The following SHISAL1 variants were observed in gnomAD, a reference collection of about 807,000 sequenced individuals.
SHISAL1 encodes the protein protein shisa-like-1.
SHISAL1 carries 9 observed loss-of-function variants against 22.6 expected under a neutral mutation model. The observed-to-expected ratio is 0.40, with a 90% CI of 0.24 to 0.70. The LOEUF is 0.70. Among genes scored for constraint, SHISAL1 ranks in the 30% least tolerant of loss-of-function variants. The pLI is 0.39. For missense variants in SHISAL1, 246 were observed against 270.6 expected (o/e 0.91, Z 0.64); for synonymous variants, 119 against 115.4 (o/e 1.03, Z -0.20).
the SHISAL1 span, among the ~76,000 whole-genome samples, chr22:44,319,043 C>T: frequency 1.3e-5 from 2 of 152,264 alleles, no homozygotes; most frequent in African/African-American, 4.8e-5. Context: ...ATGGCTTCGC[C>T]TCTCATTGTC....
chr22:44,278,631 C>T (rs1462041444), intron 4 of SHISAL1, among the ~76,000 whole-genome samples: 1 of 152,148 alleles, frequency 6.6e-6, no homozygotes, highest in Admixed American at 6.5e-5. Context: ...TCTTAATGCC[C>T]CCCTGAACCT....
chr22:44,321,871 C>T, the SHISAL1 span, among the ~76,000 whole-genome samples: 4,139 of 152,190 alleles, frequency 0.027, 96 homozygotes, highest in East Asian at 0.13. Context: ...GCCGGCCCTT[C>T]GGAGCACTCT....
At chr22:44,265,583 C>A (rs2079953335) in intron 4 of SHISAL1, among the ~76,000 whole-genome samples, 1 of 152,168 alleles carries the variant, frequency 6.6e-6, no homozygotes, top group African/African-American at 2.4e-5. Flanking sequence ...CACACCCTGA[C>A]TCACACCTTT....
intron 3 of SHISAL1, among the ~76,000 whole-genome samples, chr22:44,286,554 C>G (rs1236036894): frequency 6.6e-6 from 1 of 152,184 alleles, no homozygotes. Context: ...CTGCCCCCTT[C>G]CTCCCCTGCC....
the SHISAL1 span, among the ~76,000 whole-genome samples, chr22:44,326,315 C>T: frequency 3.9e-5 from 6 of 152,258 alleles, no homozygotes; most frequent in South Asian, 8.3e-4. Flanking sequence ...CAGGCGACAA[C>T]GAGGAGCTTC....
intron 1 of SHISAL1, among the ~76,000 whole-genome samples, chr22:44,305,417 C>T (rs1197664380): frequency 2.6e-5 from 4 of 152,334 alleles, no homozygotes; most frequent in East Asian, 3.9e-4. Flanking sequence ...CCTCAGCCCC[C>T]GATCTGCCTT....
At chr22:44,250,987 G>C (rs1234397882) in intron 4 of SHISAL1, among the ~76,000 whole-genome samples, 1 of 152,204 alleles carries the variant, frequency 6.6e-6, no homozygotes, top group Non-Finnish European at 1.5e-5. Flanking sequence ...GTGTACAGGG[G>C]CTAAGGGTGA....
At chr22:44,290,162 C>T (rs2055343036) in intron 3 of SHISAL1, among the ~76,000 whole-genome samples, 1 of 152,188 alleles carries the variant, frequency 6.6e-6, no homozygotes, top group Non-Finnish European at 1.5e-5. Flanking sequence ...TTCCTGAGGC[C>T]AGCAGGCCAG....
chr22:44,249,655 C>T lies in SHISAL1; in HGVS notation c.*30G>A, dbSNP rs779142052. 22 of 779,774 alleles carry T rather than the reference C, an allele frequency of 2.8e-5. No homozygotes were observed. Among genetic ancestry groups the T allele is most frequent in the Middle Eastern group, 2.7e-4 (1 of 3,690 alleles). 48.3% of individuals were successfully genotyped at this position (779,774 alleles called of 1,614,324 possible). ...GCACCGGGTGCTTCAGATCTCATCT[C>T]CCCCATCCTGAGGCACAGCAAAAGC... On this transcript the variant is annotated 3_prime_UTR_variant, in exon 5 of 5. Transcript: ENST00000381176.
intron 4 of SHISAL1, among the ~76,000 whole-genome samples, chr22:44,269,863 C>T (rs1466669257): frequency 6.6e-6 from 1 of 152,182 alleles, no homozygotes; most frequent in Non-Finnish European, 1.5e-5. Flanking sequence ...TAACGATGCA[C>T]CACCCTGTGC....
At chr22:44,313,690 G>C (rs2055537821), upstream of SHISAL1, among the ~76,000 whole-genome samples, 1 of 152,172 alleles carries the variant, frequency 6.6e-6, no homozygotes, top group African/African-American at 2.4e-5. Context: ...CCCAGCCCAT[G>C]GCCGTCTCCC....
At position 44,268,769 on chromosome 22, in the gene SHISAL1, G is replaced by A. The variant is rs370579925; in HGVS notation, c.599+16659C>T. ...GGGCTGGGGTGGGGAAACCTGTGAG[G>A]TGAATGGGTGTGGGTAAGCACCTGG... On this transcript the variant is annotated intron_variant, in intron 4 of 4. Coordinates refer to ENST00000381176, the MANE Select transcript of SHISAL1 (RefSeq NM_001099294.2). Among the ~76,000 whole-genome samples, 72 of 152,282 alleles carry A rather than the reference G, an allele frequency of 4.7e-4. 1 individual carries two copies. The highest frequency in any genetic ancestry group is 1.6e-3 in the African/African-American group (67 of 41,538).
At chr22:44,290,316 G>A (rs1240451985) in intron 3 of SHISAL1, among the ~76,000 whole-genome samples, 1 of 152,156 alleles carries the variant, frequency 6.6e-6, no homozygotes, top group Non-Finnish European at 1.5e-5. Flanking sequence ...GATCACCTGA[G>A]GTCAGGAGTT....
chr22:44,285,369 T>C, intron 4 of SHISAL1, 59 bp downstream of exon 4: 1 of 1,550,450 alleles, frequency 6.4e-7, no homozygotes, highest in Non-Finnish European at 8.9e-7. Context: ...TGGCGTATTC[T>C]CCAAGCTCTC....
At chr22:44,286,812 G>A (rs1481358746) in intron 3 of SHISAL1, among the ~76,000 whole-genome samples, 2 of 152,306 alleles carry the variant, frequency 1.3e-5, no homozygotes, top group East Asian at 3.9e-4. Flanking sequence ...TGGAGCTGCC[G>A]AGCCCTAACA....
Position 44,310,874 on chromosome 22 carries a change from C to T in SHISAL1, c.-33+1877G>A, listed in dbSNP as rs1004070298. Among the ~76,000 whole-genome samples, 7 of 152,064 alleles carry T rather than the reference C, an allele frequency of 4.6e-5. No individual in the cohort carries two copies. ...CTCTTCAAGGGTGGGAAATTTTGTG[C>T]CTCTGCATCGCCCCACCATGCTTTG... On this transcript the variant is annotated intron_variant, in intron 1 of 4. Coordinates refer to ENST00000381176, the MANE Select transcript of SHISAL1 (RefSeq NM_001099294.2). The surrounding 1 kb of genome is among the most constrained non-coding windows in gnomAD (Gnocchi z 4.0).
At chr22:44,300,763 G>A in intron 2 of SHISAL1, 116 bp downstream of exon 2, 15 of 831,050 alleles carry the variant, frequency 1.8e-5, no homozygotes, top group Non-Finnish European at 2.8e-5. Flanking sequence ...GTAAGGTGGA[G>A]GACAAAAGGC....
At chr22:44,261,533 C>A (rs1197431346) in intron 4 of SHISAL1, among the ~76,000 whole-genome samples, 3 of 152,196 alleles carry the variant, frequency 2.0e-5, no homozygotes, top group Non-Finnish European at 2.9e-5. Flanking sequence ...AGCTGTGTGA[C>A]CCTGGGTGAG....
intron 4 of SHISAL1, among the ~76,000 whole-genome samples, chr22:44,281,436 A>T (rs887124246): frequency 2.6e-5 from 4 of 151,662 alleles, no homozygotes; most frequent in Non-Finnish European, 5.9e-5. Context: ...GTGAGTGTGT[A>T]TGTGTGTGTG....
Sources: allele counts gnomAD v4.1 joint callset (sites outside exome capture counted in the v4.1 genomes callset), GRCh38; gene constraint gnomAD v4.1.1; non-coding constraint Gnocchi (gnomAD v3.1); transcripts MANE v1.5; gene names NCBI Gene and HGNC (gene_info 2026-07-23, HGNC 2026-07-21).